The following HCN1 variants were observed in gnomAD, a reference collection of about 807,000 sequenced individuals.
HCN1 encodes the protein hyperpolarization activated cyclic nucleotide gated potassium channel 1.
HCN1 carries 13 observed loss-of-function variants against 78.9 expected under a neutral mutation model. The observed-to-expected ratio is 0.16, with a 90% CI of 0.11 to 0.26. The LOEUF (loss-of-function observed/expected upper bound fraction) is 0.26, where lower values mean the gene tolerates loss of function less well. Among genes scored for constraint, HCN1 ranks in the 10% least tolerant of loss-of-function variants. The pLI is 1.00. For missense variants in HCN1, 810 were observed against 1,154.3 expected (o/e 0.70, Z 4.32); for synonymous variants, 552 against 455.5 (o/e 1.21, Z -2.70).
At chr5:45,393,105 A>G (rs996633683) in intron 4 of HCN1, among the ~76,000 whole-genome samples, 3 of 152,156 alleles carry the variant, frequency 2.0e-5, no homozygotes, top group Non-Finnish European at 4.4e-5. Context: ...GGAATTGATA[A>G]CTTCCTCACA....
chr5:45,312,766 T>C (rs1487188675), intron 5 of HCN1, among the ~76,000 whole-genome samples: 2 of 152,172 alleles, frequency 1.3e-5, no homozygotes, highest in Non-Finnish European at 2.9e-5. Flanking sequence ...GCCTTGCTCA[T>C]TGCTAGCACA....
chr5:45,494,114 C>T (rs1221365169), intron 2 of HCN1, among the ~76,000 whole-genome samples: 5 of 151,988 alleles, frequency 3.3e-5, no homozygotes, highest in South Asian at 2.1e-4. Flanking sequence ...GGGTATATAC[C>T]CAGTAATGGG....
Position 45,696,194 on chromosome 5 carries a change from G to T in HCN1, c.-101C>A. The T allele has an allele frequency of 1.5e-6, 1 of 647,840 alleles. No homozygotes were observed. The highest frequency in any genetic ancestry group is 2.0e-6 in the Non-Finnish European group (1 of 501,840). The allele number at this position is 647,840 out of a possible 1,614,324, so 40.1% of individuals were successfully genotyped here. A position where few individuals can be genotyped will look rare whatever the true frequency, so the allele number is the denominator to read the frequency against. The stretch of plus-strand genomic sequence containing the variant: ...AGGGTAGGGGCCCGAGCCGGCTGCC[G>T]GCGAGCCCAGCTGCCCGTCGCGGCG... On this transcript the variant is annotated 5_prime_UTR_variant, in exon 1 of 8. Coordinates refer to ENST00000303230, the MANE Select transcript of HCN1 (RefSeq NM_021072.4).
At chr5:45,677,989 T>TACACACACACACACACACAC (rs200866112) in intron 1 of HCN1, among the ~76,000 whole-genome samples, 6 of 94,092 alleles carry the variant, frequency 6.4e-5, no homozygotes, top group African/African-American at 1.8e-4. Flanking sequence ...CACACACACA[T>TACACACACACACACACACAC]ACACACACAC....
intron 2 of HCN1, among the ~76,000 whole-genome samples, chr5:45,566,594 A>G (rs1261169134): frequency 6.6e-6 from 1 of 152,186 alleles, no homozygotes; most frequent in African/African-American, 2.4e-5. Context: ...AATGATCACA[A>G]ATGGAAATTG....
At chr5:45,493,052 A>T (rs1348659077) in intron 2 of HCN1, among the ~76,000 whole-genome samples, 1 of 152,128 alleles carries the variant, frequency 6.6e-6, no homozygotes, top group East Asian at 1.9e-4. Context: ...AGTATATATT[A>T]ATTGTAGACT....
intron 4 of HCN1, among the ~76,000 whole-genome samples, chr5:45,374,049 T>C (rs1233508222): frequency 1.1e-3 from 117 of 107,828 alleles, no homozygotes; most frequent in African/African-American, 4.2e-3. Context: ...ATATATATTA[T>C]ATATATTATA....
chr5:45,522,831 C>T (rs1742642710), intron 2 of HCN1, among the ~76,000 whole-genome samples: 1 of 151,522 alleles, frequency 6.6e-6, no homozygotes, highest in Non-Finnish European at 1.5e-5. Flanking sequence ...TCCAAGTCTG[C>T]TTTCACATCT....
Position 45,258,932 on chromosome 5 carries a change from T to A in HCN1, c.*2989A>T, listed in dbSNP as rs1418629441. On this transcript the variant is annotated 3_prime_UTR_variant, in exon 8 of 8. Coordinates refer to ENST00000303230, the MANE Select transcript of HCN1 (RefSeq NM_021072.4). ...ATTATTACAGGAAAATTATTTCTCA[T>A]CTGTATATCCAATAATTACACAAAA... 6.6e-6 allele frequency: 1 copy of A among 152,018 alleles called. No homozygotes were observed. The highest frequency in any genetic ancestry group is 2.4e-5 in the African/African-American group (1 of 41,456). The allele number at this position is 152,018 out of a possible 1,614,324, so 9.4% of individuals were successfully genotyped here.
At position 45,259,613 on chromosome 5, in the gene HCN1, A is replaced by G. The variant is rs1238304538; in HGVS notation, c.*2308T>C. The G allele has an allele frequency of 6.6e-6, 1 of 152,318 alleles. No homozygotes were observed. Among genetic ancestry groups the G allele is most frequent in the Non-Finnish European group, 1.5e-5 (1 of 67,938 alleles). 9.4% of individuals were successfully genotyped at this position (152,318 alleles called of 1,614,324 possible). A position where few individuals can be genotyped will look rare whatever the true frequency, so the allele number is the denominator to read the frequency against. ...TACCTTTTTATTAGTTTAATATATA[A>G]ACCTTAGTTTTTTTGTCCATTCTAT... On this transcript the variant is annotated 3_prime_UTR_variant, in exon 8 of 8. Coordinates refer to ENST00000303230, the MANE Select transcript of HCN1 (RefSeq NM_021072.4).
At chr5:45,475,140 A>C (rs1490123496) in intron 2 of HCN1, among the ~76,000 whole-genome samples, 1 of 152,002 alleles carries the variant, frequency 6.6e-6, no homozygotes, top group African/African-American at 2.4e-5. Flanking sequence ...AGTATATAAA[A>C]TAAACTAGTG....
intron 2 of HCN1, among the ~76,000 whole-genome samples, chr5:45,603,987 A>G (rs1041800810): frequency 1.3e-5 from 2 of 152,124 alleles, no homozygotes; most frequent in African/African-American, 4.8e-5. Flanking sequence ...AAAGTAGATC[A>G]TGAGTAGATA....
intron 1 of HCN1, among the ~76,000 whole-genome samples, chr5:45,683,798 G>A (rs1350610902): frequency 2.0e-5 from 3 of 148,834 alleles, no homozygotes; most frequent in African/African-American, 7.8e-5. Context: ...AGCCTCCCAA[G>A]TTGCTGGGAC....
chr5:45,460,905 A>T (rs1300213347), intron 3 of HCN1, among the ~76,000 whole-genome samples: 1 of 152,020 alleles, frequency 6.6e-6, no homozygotes, highest in Admixed American at 6.6e-5. Flanking sequence ...TCAATAGTAG[A>T]ACAGTTTGAG....
chr5:45,685,858 C>T (rs992142857), intron 1 of HCN1, among the ~76,000 whole-genome samples: 1 of 152,184 alleles, frequency 6.6e-6, no homozygotes, highest in African/African-American at 2.4e-5. Flanking sequence ...ACACCATTTA[C>T]ATGGCCATTC....
At chr5:45,631,627 G>C (rs1745271366) in intron 2 of HCN1, among the ~76,000 whole-genome samples, 1 of 152,010 alleles carries the variant, frequency 6.6e-6, no homozygotes, top group African/African-American at 2.4e-5. Flanking sequence ...GGAGCATGTG[G>C]ATCAAGATTT....
intron 6 of HCN1, among the ~76,000 whole-genome samples, chr5:45,282,496 T>G (rs1745188908): frequency 6.6e-6 from 1 of 152,192 alleles, no homozygotes; most frequent in Admixed American, 6.5e-5. Flanking sequence ...CTAGCCAAGG[T>G]AAAGACAATT....
intron 3 of HCN1, among the ~76,000 whole-genome samples, chr5:45,454,758 T>G (rs1579905979): frequency 1.3e-5 from 2 of 152,228 alleles, no homozygotes; most frequent in East Asian, 3.9e-4. Context: ...TCTATTTTAA[T>G]TTTGCCCTTA....
chr5:45,644,794 A>T (rs900090556), intron 2 of HCN1: 1 of 212,792 alleles, frequency 4.7e-6, no homozygotes, highest in Non-Finnish European at 9.2e-6. Flanking sequence ...TATCTCACAG[A>T]GCTAATGATG....
Sources: gnomAD v4.1 joint callset for allele counts (sites outside exome capture counted in the v4.1 genomes callset) on GRCh38, gnomAD v4.1.1 for gene constraint, MANE v1.5 for transcripts, NCBI Gene and HGNC (gene_info 2026-07-23, HGNC 2026-07-21) for gene names.